SNX29: variants seen among roughly 807,000 people sequenced by gnomAD.
The protein encoded by SNX29 is sorting nexin 29, also known as sorting nexin-29.
SNX29 carries 78 observed loss-of-function variants against 102.1 expected under a neutral mutation model. The ratio of observed to expected loss-of-function variants is 0.76; its 90% CI spans 0.64 to 0.92. SNX29 has a LOEUF of 0.92. Ranked by LOEUF, SNX29 falls within the 40% of genes least tolerant of loss-of-function variation. SNX29 has a pLI of 0.00. For missense variants in SNX29, 1,280 were observed against 1,061.7 expected (o/e 1.21, Z -2.86); for synonymous variants, 580 against 414.5 (o/e 1.40, Z -4.85).
At chr16:12,028,404 C>A (rs141537485) in intron 4 of SNX29, among the ~76,000 whole-genome samples, 3 of 152,042 alleles carry the variant, frequency 2.0e-5, no homozygotes, top group African/African-American at 4.8e-5. Flanking sequence ...TGCTCTGTTG[C>A]CCAGGCTGAA....
intron 15 of SNX29, among the ~76,000 whole-genome samples, chr16:12,347,633 G>T (rs552804544): frequency 5.9e-5 from 9 of 152,134 alleles, no homozygotes; most frequent in Non-Finnish European, 1.0e-4. Flanking sequence ...AACACTTAGA[G>T]TGCTATCAGA....
At position 12,469,047 on chromosome 16, in the gene SNX29, G is replaced by A. The variant is rs186154496; in HGVS notation, c.2038-8672G>A. On this transcript the variant is annotated intron_variant, in intron 18 of 20. Transcript: ENST00000566228. ...GGGGCTGCTCTTCAGCTACAGTTAC[G>A]GTACCACGGTTCCAGGTAAAGCACA... Among the ~76,000 whole-genome samples, 16 of 152,194 alleles carry A rather than the reference G, an allele frequency of 1.1e-4. No individual in the cohort carries two copies. The South Asian group carries it at 2.5e-3, about 24-fold the overall frequency.
intron 14 of SNX29, among the ~76,000 whole-genome samples, chr16:12,268,242 C>T (rs1398085404): frequency 1.3e-5 from 2 of 152,248 alleles, no homozygotes; most frequent in African/African-American, 4.8e-5. Flanking sequence ...CTCACTGGAA[C>T]AGAAGCTTCA....
At chr16:12,435,726 C>T (rs1006034051) in intron 18 of SNX29, among the ~76,000 whole-genome samples, 2 of 152,084 alleles carry the variant, frequency 1.3e-5, no homozygotes, top group Non-Finnish European at 2.9e-5. Flanking sequence ...CCTAGAAGGC[C>T]CCAGCTGGAA....
rs12931667 is a variant in SNX29 at position 12,559,097 on chromosome 16, G to T, written c.2319-9409G>T. Among the ~76,000 whole-genome samples, 982 of 152,070 alleles carry T rather than the reference G, an allele frequency of 6.5e-3. 13 individuals carry two copies. The highest frequency in any genetic ancestry group is 0.023 in the African/African-American group (944 of 41,444). ...CTGTGTCCCCGTGCTCCTTAGTCTAGGATGAGTAGTAGTCAAATCAGGCTT... is the reference window on the plus strand; with the variant it reads ...CTGTGTCCCCGTGCTCCTTAGTCTATGATGAGTAGTAGTCAAATCAGGCTT... On this transcript the variant is annotated intron_variant, in intron 20 of 20. Transcript: ENST00000566228.
intron 20 of SNX29, among the ~76,000 whole-genome samples, chr16:12,550,798 G>T (rs1022745703): frequency 2.6e-5 from 4 of 152,114 alleles, no homozygotes; most frequent in Middle Eastern, 3.4e-3. Context: ...TAAGGAAGAG[G>T]GAGCCAAGAA....
intron 14 of SNX29, among the ~76,000 whole-genome samples, chr16:12,273,090 A>T (rs1407188464): frequency 6.6e-6 from 1 of 152,036 alleles, no homozygotes; most frequent in African/African-American, 2.4e-5. Context: ...GTTAATACTT[A>T]ATTCAACTCC....
chr16:12,170,714 G>C (rs1000928840), intron 13 of SNX29, among the ~76,000 whole-genome samples: 1 of 151,806 alleles, frequency 6.6e-6, no homozygotes, highest in Non-Finnish European at 1.5e-5. Context: ...CAGAGAAGGG[G>C]TTCTGTGGGA....
At chr16:12,501,416 C>T (rs1485767829) in intron 19 of SNX29, among the ~76,000 whole-genome samples, 2 of 151,392 alleles carry the variant, frequency 1.3e-5, no homozygotes, top group African/African-American at 2.4e-5. Context: ...TAAAAACAAA[C>T]AAATTATGTT....
At chr16:12,486,623 C>T (rs542011495) in intron 19 of SNX29, among the ~76,000 whole-genome samples, 2 of 152,320 alleles carry the variant, frequency 1.3e-5, no homozygotes, top group South Asian at 2.1e-4. Context: ...ACAAGAAGGT[C>T]GGCTGTAGAG....
intron 18 of SNX29, among the ~76,000 whole-genome samples, chr16:12,476,422 A>ATATATATATATACG (rs2087642405): frequency 2.1e-4 from 17 of 81,840 alleles, no homozygotes; most frequent in Non-Finnish European, 3.4e-4. Flanking sequence ...ACATATATAT[A>ATATATATATATACG]TATATATATA....
rs554646832 is a variant in SNX29, at chr16:11,998,842, A to G, written c.8-455A>G. ...GCATGGGAAAAGGATGTTGGAGATGATAGTGAGAACAGCCAGTGAGCAGTT... is the reference window on the plus strand; with the variant it reads ...GCATGGGAAAAGGATGTTGGAGATGGTAGTGAGAACAGCCAGTGAGCAGTT... On this transcript the variant is annotated intron_variant, in intron 1 of 20. Transcript: ENST00000566228. 4.9e-4 allele frequency among the ~76,000 whole-genome samples: 74 copies of G among 152,154 alleles called. 1 individual carries two copies. The highest frequency in any genetic ancestry group is 1.7e-3 in the African/African-American group (72 of 41,402).
chr16:12,554,383 C>CT (rs374869603), intron 20 of SNX29, among the ~76,000 whole-genome samples: 2,327 of 92,958 alleles, frequency 0.025, 54 homozygotes, highest in African/African-American at 0.18. Context: ...TGTTTCTGTG[C>CT]CCCGTGCATG....
intron 1 of SNX29, among the ~76,000 whole-genome samples, chr16:11,978,096 A>C (rs1384826454): frequency 6.6e-6 from 1 of 152,006 alleles, no homozygotes; most frequent in South Asian, 2.1e-4. Context: ...TAAACAAGTG[A>C]TGTGCCTTTT....
Position 12,281,868 on chromosome 16 carries a change from C to T in SNX29, c.1782+3832C>T, listed in dbSNP as rs78093302. On this transcript the variant is annotated intron_variant, in intron 15 of 20. Coordinates refer to ENST00000566228, the MANE Select transcript of SNX29 (RefSeq NM_032167.5). Reference sequence around the variant, plus strand: ...GGTGGATCACTTCAGACTAGGAGTTCGAGAGTAGCCTGGCCAACACGGGGA... The same window carrying T: ...GGTGGATCACTTCAGACTAGGAGTTTGAGAGTAGCCTGGCCAACACGGGGA... 7.8e-3 allele frequency among the ~76,000 whole-genome samples: 1,181 copies of T among 151,952 alleles called. 17 individuals are homozygous for T. The highest frequency in any genetic ancestry group is 0.026 in the African/African-American group (1,079 of 41,418).
At chr16:12,081,857 TAG>T (rs58878950) in intron 11 of SNX29, 33,257 of 152,862 alleles carry the variant, frequency 0.22, 4,083 homozygotes, top group African/African-American at 0.34. Flanking sequence ...GTAGTCAGTG[TAG>T]CTCTCCCTTG....
At chr16:12,355,450 C>G (rs922142383) in intron 15 of SNX29, among the ~76,000 whole-genome samples, 45 of 152,126 alleles carry the variant, frequency 3.0e-4, no homozygotes, top group African/African-American at 1.1e-3. Flanking sequence ...GAGGGGTGAT[C>G]TCTTGGGAAG....
At chr16:12,433,190 A>T (rs952449061) in intron 18 of SNX29, among the ~76,000 whole-genome samples, 3 of 152,210 alleles carry the variant, frequency 2.0e-5, no homozygotes, top group African/African-American at 7.2e-5. Flanking sequence ...GGTTAGCCAC[A>T]GTTCTGGGCA....
At chr16:12,516,851 C>T (rs1206982264) in intron 19 of SNX29, among the ~76,000 whole-genome samples, 1 of 152,166 alleles carries the variant, frequency 6.6e-6, no homozygotes, top group Non-Finnish European at 1.5e-5. Context: ...AAACAAAATT[C>T]AGGGAAATAC....
Sources: gnomAD v4.1 joint callset for allele counts (sites outside exome capture counted in the v4.1 genomes callset) on GRCh38, gnomAD v4.1.1 for gene constraint, MANE v1.5 for transcripts, NCBI Gene and HGNC (gene_info 2026-07-23, HGNC 2026-07-21) for gene names.